Variants in PLXDC2 observed in about 807,000 individuals in gnomAD.
PLXDC2 encodes the protein plexin domain containing 2, also known as plexin domain-containing protein 2.
PLXDC2 carries 40 observed loss-of-function variants against 68.9 expected under a neutral mutation model. That is an observed-to-expected ratio of 0.58 (90% CI 0.45 to 0.76). The LOEUF is 0.76. Ranked by LOEUF, PLXDC2 falls within the 30% of genes least tolerant of loss-of-function variation. The probability of loss-of-function intolerance (pLI) is 0.00; values close to 1 mark genes in which losing one functional copy is unlikely to be tolerated. For synonymous variants in PLXDC2, 243 were observed against 234.2 expected (o/e 1.04, Z -0.34); for missense variants, 644 against 661.9 (o/e 0.97, Z 0.30).
chr10:20,273,376 A>C (rs1347606984), intron 13 of PLXDC2, among the ~76,000 whole-genome samples: 3 of 152,102 alleles, frequency 2.0e-5, no homozygotes, highest in African/African-American at 4.8e-5. Context: ...CATGATTATT[A>C]CTGAAAATAA....
chr10:20,222,491 C>T (rs1043301013), intron 12 of PLXDC2, among the ~76,000 whole-genome samples: 1 of 152,124 alleles, frequency 6.6e-6, no homozygotes, highest in African/African-American at 2.4e-5. Flanking sequence ...GTTAGAGCCT[C>T]TTAAAGTTTC....
At position 20,217,411 on chromosome 10, in the gene PLXDC2, CT is replaced by C. The variant is rs1564357073; in HGVS notation, c.1123-11del. ...TGATCACTCCATTTGTTTTCCTTTT[CT>C]TTTCTCTTACTAGTCAAAAGAGAAG... On this transcript the variant is annotated splice_polypyrimidine_tract_variant and intron_variant, in intron 10 of 13. Transcript: ENST00000377252. 1 of 1,599,598 alleles carries C rather than the reference CT, an allele frequency of 6.3e-7. No individual in the cohort carries two copies. The highest frequency in any genetic ancestry group is 8.5e-7 in the Non-Finnish European group (1 of 1,172,708).
At chr10:20,234,236 C>T (rs1433049778) in intron 12 of PLXDC2, among the ~76,000 whole-genome samples, 4 of 152,070 alleles carry the variant, frequency 2.6e-5, no homozygotes, top group Non-Finnish European at 5.9e-5. Flanking sequence ...GTGGAAGTGT[C>T]ATATGCCCAC....
chr10:19,954,351 A>G (rs1196808033), intron 1 of PLXDC2, among the ~76,000 whole-genome samples: 1 of 152,236 alleles, frequency 6.6e-6, no homozygotes, highest in Non-Finnish European at 1.5e-5. Context: ...TGTAATTGGC[A>G]GCTAACGTAA....
At chr10:19,887,732 G>A (rs1383193466) in intron 1 of PLXDC2, among the ~76,000 whole-genome samples, 2 of 152,060 alleles carry the variant, frequency 1.3e-5, no homozygotes, top group African/African-American at 2.4e-5. Flanking sequence ...TCAAAATATC[G>A]ATAGTGGCAT....
chr10:20,257,259 A>G (rs963092855), intron 13 of PLXDC2, among the ~76,000 whole-genome samples: 1 of 152,244 alleles, frequency 6.6e-6, no homozygotes, highest in African/African-American at 2.4e-5. Flanking sequence ...ATATTTTGAC[A>G]GTATATGGGG....
intron 12 of PLXDC2, among the ~76,000 whole-genome samples, chr10:20,241,745 C>T (rs1835518885): frequency 1.3e-5 from 2 of 152,160 alleles, no homozygotes; most frequent in Non-Finnish European, 2.9e-5. Flanking sequence ...CACCACAGCA[C>T]TCCAGCCTGA....
chr10:20,217,654 A>G, intron 11 of PLXDC2, 78 bp downstream of exon 11: 1 of 1,401,592 alleles, frequency 7.1e-7, no homozygotes, highest in South Asian at 1.5e-5. Flanking sequence ...CACTGTGTTG[A>G]CATGTACTGG....
intron 1 of PLXDC2, among the ~76,000 whole-genome samples, chr10:19,972,282 T>C (rs190437345): frequency 6.6e-6 from 1 of 152,344 alleles, no homozygotes; most frequent in Non-Finnish European, 1.5e-5. Context: ...AATGAAATCA[T>C]GTCCTTTGCA....
chr10:19,910,124 A>T (rs1263768956), intron 1 of PLXDC2, among the ~76,000 whole-genome samples: 1 of 151,170 alleles, frequency 6.6e-6, no homozygotes, highest in Non-Finnish European at 1.5e-5. Context: ...ACATCCACGA[A>T]CCCCAGGGAC....
intron 1 of PLXDC2, among the ~76,000 whole-genome samples, chr10:19,984,676 A>C (rs1055750316): frequency 6.6e-6 from 1 of 152,172 alleles, no homozygotes; most frequent in Non-Finnish European, 1.5e-5. Context: ...ATGACCCTGA[A>C]CTTCAGAGAC....
intron 1 of PLXDC2, among the ~76,000 whole-genome samples, chr10:19,999,892 C>T (rs974565955): frequency 1.3e-5 from 2 of 152,118 alleles, no homozygotes; most frequent in Non-Finnish European, 2.9e-5. Flanking sequence ...TATTTTCATT[C>T]CCATTTAAAA....
At chr10:19,852,853 T>G (rs1432784928) in intron 1 of PLXDC2, among the ~76,000 whole-genome samples, 9 of 152,214 alleles carry the variant, frequency 5.9e-5, no homozygotes, top group African/African-American at 2.2e-4. Flanking sequence ...GGAATCTGAT[T>G]GTGTAAAAAT....
intron 13 of PLXDC2, among the ~76,000 whole-genome samples, chr10:20,262,066 A>G (rs1835814792): frequency 6.6e-6 from 1 of 152,104 alleles, no homozygotes; most frequent in South Asian, 2.1e-4. Flanking sequence ...GTTTCCTCTC[A>G]AGGAAACAAC....
intron 1 of PLXDC2, among the ~76,000 whole-genome samples, chr10:19,967,105 C>G (rs561858968): frequency 1.3e-4 from 20 of 152,292 alleles, no homozygotes; most frequent in African/African-American, 4.8e-4. Context: ...TATAATGACA[C>G]CATCACATTC....
chr10:20,039,286 T>C (rs1236792702), intron 2 of PLXDC2, among the ~76,000 whole-genome samples: 1 of 152,216 alleles, frequency 6.6e-6, no homozygotes, highest in African/African-American at 2.4e-5. Context: ...AATCACTTTA[T>C]AAAGATTTGA....
intron 7 of PLXDC2, among the ~76,000 whole-genome samples, chr10:20,169,950 G>C (rs117735152): frequency 1.3e-5 from 2 of 151,990 alleles, no homozygotes; most frequent in East Asian, 3.9e-4. Flanking sequence ...AGGCCTCTTC[G>C]TATCAGTATC....
chr10:19,937,560 A>G lies in PLXDC2; in HGVS notation c.113-64215A>G, dbSNP rs1033471024. On this transcript the variant is annotated intron_variant, in intron 1 of 13. Coordinates refer to ENST00000377252, the MANE Select transcript of PLXDC2 (RefSeq NM_032812.9). ...ATAGTCAATGTATATATATATATATATATATATATATATATATATATATTT... is the reference window on the plus strand; with the variant it reads ...ATAGTCAATGTATATATATATATATGTATATATATATATATATATATATTT... 1.0e-4 allele frequency among the ~76,000 whole-genome samples: 12 copies of G among 116,182 alleles called. No individual in the cohort carries two copies. In the East Asian group the frequency reaches 1.8e-3, roughly 17 times the overall value. 76.2% of individuals were successfully genotyped at this position (116,182 alleles called of 152,430 possible). A position where few individuals can be genotyped will look rare whatever the true frequency, so the allele number is the denominator to read the frequency against.
intron 9 of PLXDC2, among the ~76,000 whole-genome samples, chr10:20,186,622 T>A (rs574147287): frequency 6.6e-6 from 1 of 152,042 alleles, no homozygotes; most frequent in East Asian, 1.9e-4. Context: ...TGTGTTCACG[T>A]TTTCTCGTAT....
Sources: gnomAD v4.1 joint callset for allele counts (sites outside exome capture counted in the v4.1 genomes callset) on GRCh38, gnomAD v4.1.1 for gene constraint, MANE v1.5 for transcripts, NCBI Gene and HGNC (gene_info 2026-07-23, HGNC 2026-07-21) for gene names.